The following GRID1 variants were observed in gnomAD, a reference collection of about 807,000 sequenced individuals.
GRID1 encodes the protein glutamate ionotropic receptor delta type subunit 1.
GRID1 carries 28 observed loss-of-function variants against 98.0 expected under a neutral mutation model. The observed-to-expected ratio is 0.29, with a 90% CI of 0.21 to 0.39. GRID1 has a LOEUF of 0.39. Among genes scored for constraint, GRID1 ranks in the 10% least tolerant of loss-of-function variants. GRID1 has a pLI of 1.00. For synonymous variants in GRID1, 553 were observed against 538.5 expected (o/e 1.03, Z -0.37); for missense variants, 1,111 against 1,340.5 (o/e 0.83, Z 2.67).
intron 8 of GRID1, among the ~76,000 whole-genome samples, chr10:85,809,791 T>C (rs988260606): frequency 2.0e-5 from 3 of 152,056 alleles, no homozygotes; most frequent in Non-Finnish European, 4.4e-5. Flanking sequence ...ATCTCTCTTA[T>C]TGAGATCAGC....
chr10:86,090,354 C>T (rs774135381), intron 4 of GRID1, among the ~76,000 whole-genome samples: 18 of 151,584 alleles, frequency 1.2e-4, no homozygotes, highest in Admixed American at 2.0e-4. Context: ...CAGAGGTTGC[C>T]GTGAGCTGAG....
chr10:85,827,157 A>G (rs934810806), intron 8 of GRID1, among the ~76,000 whole-genome samples: 1 of 152,222 alleles, frequency 6.6e-6, no homozygotes, highest in Non-Finnish European at 1.5e-5. Context: ...CATAGAATTC[A>G]GAATATGGAT....
At chr10:86,239,775 C>T (rs1456931735) in intron 2 of GRID1, among the ~76,000 whole-genome samples, 1 of 152,206 alleles carries the variant, frequency 6.6e-6, no homozygotes, top group African/African-American at 2.4e-5. Flanking sequence ...TCAGAGGCCT[C>T]CTAACCATGC....
intron 4 of GRID1, among the ~76,000 whole-genome samples, chr10:86,087,510 CTGTGTG>C (rs60644459): frequency 3.5e-5 from 5 of 140,908 alleles, no homozygotes; most frequent in Non-Finnish European, 6.3e-5. Flanking sequence ...GTGTGTGTGT[CTGTGTG>C]TGTGTGTGTG....
rs571382269 is a variant in GRID1, at chr10:86,348,030, C to T, written c.235+15911G>A. Among the ~76,000 whole-genome samples the T allele has an allele frequency of 1.2e-4, 18 of 152,330 alleles. No homozygotes were observed. In the South Asian group the frequency reaches 3.7e-3, roughly 32 times the overall value. On this transcript the variant is annotated intron_variant, in intron 2 of 15. Coordinates refer to ENST00000327946, the MANE Select transcript of GRID1 (RefSeq NM_017551.3). ...AGACAGGCTCCCCCAGGAAGGGACT[C>T]TCTGGGAAGATGACCCCTGGACCAC...
chr10:85,858,829 G>T lies in GRID1; in HGVS notation c.952-2639C>A, dbSNP rs112718396. ...TCAGGGCAGAGTCCACAGCACCAGC[G>T]CATCTGTGGCTCTGACCAGAACCCA... is the stretch of plus-strand genomic sequence containing the variant. On this transcript the variant is annotated intron_variant, in intron 6 of 15. Transcript: ENST00000327946. Among the ~76,000 whole-genome samples, 829 of 152,240 alleles carry T rather than the reference G, an allele frequency of 5.4e-3. 6 individuals are homozygous for T. Among genetic ancestry groups the T allele is most frequent in the African/African-American group, 0.019 (782 of 41,540 alleles).
At position 86,228,272 on chromosome 10, in the gene GRID1, G is replaced by A. The variant is rs530356810; in HGVS notation, c.236-21624C>T. Among the ~76,000 whole-genome samples the A allele has an allele frequency of 3.4e-5, 5 of 145,174 alleles. No homozygotes were observed. In the South Asian group the frequency reaches 6.9e-4, roughly 20 times the overall value. ...GGAGGGGTGGGGGAGAGGATGGTGT[G>A]GTGAGGAGTGAATGGGGGTGGCTTG... On this transcript the variant is annotated intron_variant, in intron 2 of 15. Transcript: ENST00000327946.
intron 12 of GRID1, among the ~76,000 whole-genome samples, chr10:85,690,422 T>C (rs1841319152): frequency 6.6e-6 from 1 of 152,196 alleles, no homozygotes; most frequent in Non-Finnish European, 1.5e-5. Context: ...TATATTTTAT[T>C]AATGCACTAG....
chr10:86,247,246 CAGATGGATGGATAGAT>C (rs1489821581), intron 2 of GRID1, among the ~76,000 whole-genome samples: 2 of 131,704 alleles, frequency 1.5e-5, no homozygotes, highest in African/African-American at 5.7e-5. Context: ...GAGGGATGGA[CAGATGGATGGATAGAT>C]GGATGGATGG....
intron 2 of GRID1, among the ~76,000 whole-genome samples, chr10:86,292,267 G>A (rs1013025427): frequency 9.2e-5 from 14 of 152,242 alleles, no homozygotes; most frequent in African/African-American, 3.1e-4. Flanking sequence ...TGGCACATCC[G>A]CAGGCCTCAG....
intron 3 of GRID1, among the ~76,000 whole-genome samples, chr10:86,183,189 GT>G (rs1452554728): frequency 2.6e-5 from 4 of 151,924 alleles, no homozygotes; most frequent in African/African-American, 9.7e-5. Flanking sequence ...CTATGTTCTA[GT>G]TTTGTATAAA....
At chr10:86,032,361 G>A (rs370972686) in intron 4 of GRID1, among the ~76,000 whole-genome samples, 14 of 152,330 alleles carry the variant, frequency 9.2e-5, no homozygotes, top group South Asian at 4.1e-4. Flanking sequence ...CCATGATGAC[G>A]ATGGCAGTTT....
chr10:86,281,687 A>G (rs948368397), intron 2 of GRID1, among the ~76,000 whole-genome samples: 1 of 152,066 alleles, frequency 6.6e-6, no homozygotes, highest in Non-Finnish European at 1.5e-5. Context: ...CTAGGACAGT[A>G]GTCCTAGGCC....
chr10:85,897,213 C>T (rs771242266), intron 5 of GRID1, among the ~76,000 whole-genome samples: 25 of 152,066 alleles, frequency 1.6e-4, no homozygotes, highest in Non-Finnish European at 3.5e-4. Flanking sequence ...TGCTTCTATC[C>T]CTGCCCCTCC....
intron 4 of GRID1, among the ~76,000 whole-genome samples, chr10:86,075,725 T>G (rs533503100): frequency 6.6e-6 from 1 of 152,288 alleles, no homozygotes; most frequent in Admixed American, 6.5e-5. Flanking sequence ...GAGGCAAGCA[T>G]GAGGCACATG....
At chr10:85,981,603 C>T (rs865945168) in intron 4 of GRID1, among the ~76,000 whole-genome samples, 2 of 152,318 alleles carry the variant, frequency 1.3e-5, no homozygotes, top group Middle Eastern at 6.8e-3. Context: ...CCCTCAGATG[C>T]ACACATCTGA....
chr10:86,178,390 G>T (rs113199343), intron 3 of GRID1, among the ~76,000 whole-genome samples: 1 of 152,158 alleles, frequency 6.6e-6, no homozygotes, highest in Non-Finnish European at 1.5e-5. Context: ...AAGAAGCAAG[G>T]CTGGGTGACA....
intron 4 of GRID1, among the ~76,000 whole-genome samples, chr10:86,072,144 T>A (rs1843813267): frequency 1.3e-5 from 2 of 152,000 alleles, no homozygotes; most frequent in Admixed American, 1.3e-4. Context: ...CGTCAGGAAG[T>A]GTGGATATGT....
intron 2 of GRID1, among the ~76,000 whole-genome samples, chr10:86,220,988 C>T (rs181011844): frequency 5.6e-4 from 86 of 152,276 alleles, no homozygotes; most frequent in Middle Eastern, 3.4e-3. Context: ...ATCAACCCTG[C>T]GCCTCCAGGA....
Sources: allele counts gnomAD v4.1 joint callset (sites outside exome capture counted in the v4.1 genomes callset), GRCh38; gene constraint gnomAD v4.1.1; transcripts MANE v1.5; gene names NCBI Gene and HGNC (gene_info 2026-07-23, HGNC 2026-07-21).